PDE3B: variants seen among roughly 807,000 people sequenced by gnomAD.
PDE3B encodes phosphodiesterase 3B, also known as cGMP-inhibited 3',5'-cyclic phosphodiesterase 3B.
A neutral mutation model predicts 116.8 loss-of-function variants in PDE3B; 66 were observed. The ratio of observed to expected loss-of-function variants is 0.56; its 90% CI spans 0.46 to 0.69. The LOEUF is 0.69. Among genes scored for constraint, PDE3B ranks in the 30% least tolerant of loss-of-function variants. The probability of loss-of-function intolerance (pLI) is 0.00; values close to 1 mark genes in which losing one functional copy is unlikely to be tolerated. For synonymous variants in PDE3B, 595 were observed against 533.6 expected (o/e 1.12, Z -1.59); for missense variants, 1,384 against 1,368.1 (o/e 1.01, Z -0.18).
At chr11:14,676,232 A>G (rs1854527720) in intron 1 of PDE3B, among the ~76,000 whole-genome samples, 1 of 152,186 alleles carries the variant, frequency 6.6e-6, no homozygotes, top group South Asian at 2.1e-4. Flanking sequence ...GCGTTGCTTA[A>G]CAGTGAGGAT....
At chr11:14,680,780 C>CAA (rs5789847) in intron 1 of PDE3B, among the ~76,000 whole-genome samples, 41 of 143,776 alleles carry the variant, frequency 2.9e-4, no homozygotes, top group East Asian at 6.1e-4. Context: ...GAAATGACTT[C>CAA]AAAAAAAAAA....
At chr11:14,659,352 T>C (rs1853816403) in intron 1 of PDE3B, among the ~76,000 whole-genome samples, 1 of 152,206 alleles carries the variant, frequency 6.6e-6, no homozygotes, top group African/African-American at 2.4e-5. Context: ...TTAACAAGTG[T>C]TGATAGAACA....
At chr11:14,650,928 A>T (rs563791399) in intron 1 of PDE3B, among the ~76,000 whole-genome samples, 2 of 151,994 alleles carry the variant, frequency 1.3e-5, no homozygotes, top group South Asian at 4.2e-4. Context: ...CAGACTTCTG[A>T]CTTGCAGACC....
At chr11:14,669,687 C>G (rs1206568728) in intron 1 of PDE3B, among the ~76,000 whole-genome samples, 1 of 151,506 alleles carries the variant, frequency 6.6e-6, no homozygotes, top group Non-Finnish European at 1.5e-5. Context: ...ATCCAATTCC[C>G]ACCTATGAGT....
chr11:14,759,721 G>A (rs1265009651), intron 1 of PDE3B, among the ~76,000 whole-genome samples: 1 of 151,778 alleles, frequency 6.6e-6, no homozygotes, highest in East Asian at 1.9e-4. Context: ...GCTAATTTTT[G>A]TATTTTTAGT....
At chr11:14,778,260 G>A (rs774994876) in intron 2 of PDE3B, among the ~76,000 whole-genome samples, 2 of 152,128 alleles carry the variant, frequency 1.3e-5, no homozygotes. Context: ...CTGAACGAAA[G>A]GCAGCAAAAA....
chr11:14,756,802 AT>A (rs372781887), intron 1 of PDE3B, among the ~76,000 whole-genome samples: 1,577 of 118,048 alleles, frequency 0.013, 10 homozygotes, highest in Non-Finnish European at 0.018. Flanking sequence ...TTAAGTGCTT[AT>A]TTTTTTTTTT....
chr11:14,873,652 T>A (rs1555009378), downstream of PDE3B, among the ~76,000 whole-genome samples: 1 of 152,144 alleles, frequency 6.6e-6, no homozygotes, highest in African/African-American at 2.4e-5. Context: ...GACAACCAAA[T>A]GTATTTCAAT....
At chr11:14,751,711 G>T (rs2133876267) in intron 1 of PDE3B, among the ~76,000 whole-genome samples, 1 of 152,260 alleles carries the variant, frequency 6.6e-6, no homozygotes, top group South Asian at 2.1e-4. Context: ...TGGTAGTTTT[G>T]ACAGCAGAAA....
At chr11:14,779,752 T>C (rs1857916836) in intron 2 of PDE3B, among the ~76,000 whole-genome samples, 1 of 152,140 alleles carries the variant, frequency 6.6e-6, no homozygotes, top group Admixed American at 6.5e-5. Flanking sequence ...AGGAAGAAAC[T>C]GCACCAAGTA....
the PDE3B span, among the ~76,000 whole-genome samples, chr11:14,897,715 G>GCAGGAAATCT: frequency 6.6e-6 from 1 of 152,114 alleles, no homozygotes; most frequent in Admixed American, 6.5e-5. Flanking sequence ...CATTTTCTGG[G>GCAGGAAATCT]CCTGCAGGAG....
At chr11:14,803,860 G>T in intron 4 of PDE3B, 84 bp from the exon 5 acceptor site, 1 of 781,544 alleles carries the variant, frequency 1.3e-6, no homozygotes. Flanking sequence ...GGATATATTT[G>T]CTAATTAAAT....
At chr11:14,847,603 TAAAG>T (rs1006133108) in intron 12 of PDE3B, among the ~76,000 whole-genome samples, 28 of 150,878 alleles carry the variant, frequency 1.9e-4, no homozygotes, top group Non-Finnish European at 1.2e-4. Flanking sequence ...GCAAGACTAA[TAAAG>T]AAAAGAGAGA....
At chr11:14,878,152 T>C in the PDE3B span, 10 of 1,613,154 alleles carry the variant, frequency 6.2e-6, no homozygotes, top group African/African-American at 4.0e-5. Context: ...TGAGGTAGGG[T>C]TGGGGCTGCA....
intron 1 of PDE3B, among the ~76,000 whole-genome samples, chr11:14,706,325 T>C (rs1225046650): frequency 6.6e-6 from 1 of 151,908 alleles, no homozygotes; most frequent in African/African-American, 2.4e-5. Context: ...AAAGGCTAAA[T>C]AAATGGATTC....
intron 1 of PDE3B, among the ~76,000 whole-genome samples, chr11:14,730,934 C>T (rs911109427): frequency 1.3e-5 from 2 of 152,102 alleles, no homozygotes; most frequent in Admixed American, 1.3e-4. Flanking sequence ...GGTTAAGTAG[C>T]TCAAGACTTT....
At chr11:14,741,521 A>G (rs1207736555) in intron 1 of PDE3B, among the ~76,000 whole-genome samples, 1 of 152,082 alleles carries the variant, frequency 6.6e-6, no homozygotes, top group Non-Finnish European at 1.5e-5. Flanking sequence ...CAGCACATCA[A>G]TGGGTCTTGA....
chr11:14,873,080 T>C (rs1352614536), downstream of PDE3B, among the ~76,000 whole-genome samples: 2 of 152,198 alleles, frequency 1.3e-5, no homozygotes, highest in East Asian at 3.9e-4. Flanking sequence ...ATCCCCAGAC[T>C]AGTTTTTCCT....
In PDE3B at chr11:14,802,052, T is replaced by A. The variant is rs1244884598; in HGVS notation, c.1416-1892T>A. ...GCAGTGAGAATTTCAAGCCAGTGGA[T>A]CTTAGTTTGCTGGGCTCTGTGGCGG... On this transcript the variant is annotated intron_variant, in intron 4 of 15. Coordinates refer to ENST00000282096, the MANE Select transcript of PDE3B (RefSeq NM_000922.4). Among the ~76,000 whole-genome samples the A allele has an allele frequency of 2.6e-5, 4 of 152,304 alleles. No individual in the cohort carries two copies. In the East Asian group the frequency reaches 7.7e-4, roughly 29 times the overall value.
Sources: allele counts gnomAD v4.1 joint callset (sites outside exome capture counted in the v4.1 genomes callset), GRCh38; gene constraint gnomAD v4.1.1; transcripts MANE v1.5; gene names NCBI Gene and HGNC (gene_info 2026-07-23, HGNC 2026-07-21).